AAMDC: variants seen among roughly 807,000 people sequenced by gnomAD.
AAMDC encodes the protein adipogenesis associated Mth938 domain containing.
Under a neutral mutation model 15.5 loss-of-function variants are expected in AAMDC, and 16 were observed. That is an observed-to-expected ratio of 1.03 (90% CI 0.70 to 1.57). The LOEUF (loss-of-function observed/expected upper bound fraction) is 1.57. Among genes scored for constraint, AAMDC ranks in the 40% most tolerant of loss-of-function variants. The probability of loss-of-function intolerance (pLI) is 0.00; values close to 1 mark genes in which losing one functional copy is unlikely to be tolerated. For synonymous variants in AAMDC, 51 were observed against 51.6 expected, an observed-to-expected ratio of 0.99 and a Z score of 0.05; for missense variants, 141 against 144.9, an observed-to-expected ratio of 0.97 and a Z score of 0.14.
intron 1 of AAMDC, among the ~76,000 whole-genome samples, chr11:77,839,087 A>T (rs1174160765): frequency 1.3e-5 from 2 of 152,090 alleles, no homozygotes; most frequent in Non-Finnish European, 2.9e-5. Context: ...GTCTTTGCTA[A>T]ATGTCAGACT....
downstream of AAMDC, among the ~76,000 whole-genome samples, chr11:77,875,574 A>T (rs1047848217): frequency 6.6e-6 from 1 of 152,186 alleles, no homozygotes; most frequent in Non-Finnish European, 1.5e-5. Flanking sequence ...GATTCTTCCA[A>T]TTGCTGTTAT....
intron 2 of AAMDC, among the ~76,000 whole-genome samples, chr11:77,863,110 G>A (rs1455703199): frequency 1.3e-5 from 2 of 152,112 alleles, no homozygotes; most frequent in East Asian, 3.9e-4. Flanking sequence ...ATGGAATCTT[G>A]GGCCATGCTG....
At chr11:77,876,768 G>A (rs1951606187), downstream of AAMDC, among the ~76,000 whole-genome samples, 1 of 152,160 alleles carries the variant, frequency 6.6e-6, no homozygotes, top group Non-Finnish European at 1.5e-5. Context: ...TGTCCCTTAG[G>A]AGACAGACAT....
intron 5 of AAMDC, among the ~76,000 whole-genome samples, chr11:77,882,139 C>T (rs1421858920): frequency 6.6e-6 from 1 of 152,158 alleles, no homozygotes; most frequent in Non-Finnish European, 1.5e-5. Flanking sequence ...TGGTCTCAGA[C>T]TCTTGGGCTC....
At position 77,891,739 on chromosome 11, in the gene AAMDC, T is replaced by C. The variant is rs762067165; in HGVS notation, c.329-8832T>C. 8 of 1,611,850 alleles carry C rather than the reference T, an allele frequency of 5.0e-6. No individual in the cohort carries two copies. The African/African-American group carries it at 6.7e-5, about 13-fold the overall frequency. On this transcript the variant is annotated intron_variant, in intron 5 of 5. Transcript: ENST00000304716. ...CTGTCGCAGCATGGTCTGTAGAATTTTGACCACTTCTGCAGGTTTGGATGT... is the reference window on the plus strand; with the variant it reads ...CTGTCGCAGCATGGTCTGTAGAATTCTGACCACTTCTGCAGGTTTGGATGT...
intron 2 of AAMDC, among the ~76,000 whole-genome samples, chr11:77,868,058 C>CTT (rs35305436): frequency 0.15 from 20,323 of 136,984 alleles, 1,658 homozygotes; most frequent in Admixed American, 0.21. Context: ...TCCTCTGAGC[C>CTT]TTTTTTTTTT....
intron 2 of AAMDC, among the ~76,000 whole-genome samples, chr11:77,864,390 A>G (rs1297451583): frequency 6.6e-6 from 1 of 151,850 alleles, no homozygotes; most frequent in Admixed American, 6.6e-5. Context: ...CAGTGAGCCA[A>G]GATCAAGCCA....
chr11:77,878,877 T>C (rs1951682991), intron 5 of AAMDC: 4 of 1,086,602 alleles, frequency 3.7e-6, no homozygotes, highest in Non-Finnish European at 5.7e-6. Flanking sequence ...CCAGGTGAAG[T>C]GCTTCAGGCT....
chr11:77,848,267 C>T (rs1950225095), intron 2 of AAMDC, among the ~76,000 whole-genome samples: 1 of 152,214 alleles, frequency 6.6e-6, no homozygotes, highest in Non-Finnish European at 1.5e-5. Flanking sequence ...GGCTTCCACA[C>T]TTGAGAGATC....
At chr11:77,844,387 C>T (rs532923475) in intron 2 of AAMDC, among the ~76,000 whole-genome samples, 2 of 151,680 alleles carry the variant, frequency 1.3e-5, no homozygotes, top group East Asian at 1.9e-4. Context: ...TTTTTGGAGA[C>T]AGTCTCCCTC....
chr11:77,894,292 C>T (rs777212284), intron 5 of AAMDC: 8 of 1,518,560 alleles, frequency 5.3e-6, no homozygotes, highest in Non-Finnish European at 6.4e-6. Flanking sequence ...ATACTTACCT[C>T]TGAAAAAAGT....
intron 5 of AAMDC, among the ~76,000 whole-genome samples, chr11:77,895,507 T>C (rs866555600): frequency 2.7e-5 from 3 of 111,346 alleles, no homozygotes; most frequent in Admixed American, 1.2e-4. Context: ...GGAAGCAACA[T>C]TCATTCTAAT....
chr11:77,850,133 TGA>T (rs1254148294), intron 2 of AAMDC, among the ~76,000 whole-genome samples: 1 of 152,208 alleles, frequency 6.6e-6, no homozygotes, highest in Non-Finnish European at 1.5e-5. Context: ...ACATTCCCTC[TGA>T]GATAGGTTAA....
intron 2 of AAMDC, among the ~76,000 whole-genome samples, chr11:77,862,697 T>C (rs550858072): frequency 1.3e-5 from 2 of 152,294 alleles, no homozygotes; most frequent in South Asian, 4.1e-4. Flanking sequence ...AGTTGTCTCT[T>C]AATGAAAAGA....
chr11:77,884,323 GTATTTGGAGT>G (rs1951905883), intron 5 of AAMDC, among the ~76,000 whole-genome samples: 1 of 152,186 alleles, frequency 6.6e-6, no homozygotes, highest in Non-Finnish European at 1.5e-5. Context: ...CCAACCACCA[GTATTTGGAGT>G]TATTTTGTAA....
At chr11:77,854,362 G>C (rs1448009889) in intron 2 of AAMDC, among the ~76,000 whole-genome samples, 4 of 152,004 alleles carry the variant, frequency 2.6e-5, no homozygotes, top group African/African-American at 7.2e-5. Context: ...TCTCATACAA[G>C]GCAAGTCTCT....
At chr11:77,876,832 T>G (rs1951608281), downstream of AAMDC, 2 of 598,060 alleles carry the variant, frequency 3.3e-6, no homozygotes, top group Non-Finnish European at 6.0e-6. Flanking sequence ...CTTGGAGGAT[T>G]TTTATAAAAG....
chr11:77,857,408 G>T (rs1444962245), intron 2 of AAMDC, among the ~76,000 whole-genome samples: 1 of 152,178 alleles, frequency 6.6e-6, no homozygotes, highest in Non-Finnish European at 1.5e-5. Flanking sequence ...TAGAATCATG[G>T]GAAGAGCTCT....
intron 2 of AAMDC, chr11:77,868,841 C>T (rs1323373583): frequency 5.0e-6 from 1 of 198,830 alleles, no homozygotes; most frequent in Non-Finnish European, 1.1e-5. Context: ...TTCTCTCTGG[C>T]TTCCTTCTTT....
Sources: gnomAD v4.1 joint callset for allele counts (sites outside exome capture counted in the v4.1 genomes callset) on GRCh38, gnomAD v4.1.1 for gene constraint, MANE v1.5 for transcripts, NCBI Gene and HGNC (gene_info 2026-07-23, HGNC 2026-07-21) for gene names.